Variants in TSNARE1 observed in about 807,000 individuals in gnomAD.
TSNARE1 encodes t-SNARE domain-containing protein 1.
In TSNARE1, 49 loss-of-function variants were observed where a neutral mutation model predicts 62.0. The ratio of observed to expected loss-of-function variants is 0.79; its 90% CI spans 0.63 to 1.00. The LOEUF (loss-of-function observed/expected upper bound fraction) is 1.00, where lower values mean the gene tolerates loss of function less well. Among genes scored for constraint, TSNARE1 ranks in the 50% least tolerant of loss-of-function variants. The pLI is 0.00. For missense variants in TSNARE1, 755 were observed against 700.1 expected, an observed-to-expected ratio of 1.08 and a Z score of -0.88; for synonymous variants, 328 against 294.4, an observed-to-expected ratio of 1.11 and a Z score of -1.17.
intron 9 of TSNARE1, among the ~76,000 whole-genome samples, chr8:142,307,796 AAC>A (rs927717085): frequency 1.3e-5 from 2 of 152,186 alleles, no homozygotes; most frequent in African/African-American, 2.4e-5. Flanking sequence ...GATATTCTCG[AAC>A]AGTGTTCCAA....
intron 11 of TSNARE1, chr8:142,276,417 G>A (rs1336793893): frequency 7.1e-6 from 7 of 985,362 alleles, no homozygotes; most frequent in Admixed American, 6.1e-5. Flanking sequence ...GGGAGGAGGC[G>A]CTAGCCTGGG....
At chr8:142,221,516 T>C (rs1816208860) in intron 13 of TSNARE1, among the ~76,000 whole-genome samples, 1 of 152,252 alleles carries the variant, frequency 6.6e-6, no homozygotes, top group Admixed American at 6.5e-5. Context: ...ACTTGATTGA[T>C]CGTTGCCTGG....
chr8:142,247,096 G>A (rs1282831669), intron 12 of TSNARE1, among the ~76,000 whole-genome samples: 1 of 152,198 alleles, frequency 6.6e-6, no homozygotes, highest in Non-Finnish European at 1.5e-5. Flanking sequence ...AGCCAAAGGT[G>A]TCAGCAGAGC....
At chr8:142,284,524 G>A (rs1411528183) in intron 10 of TSNARE1, 39 bp from the exon 11 acceptor site, 1 of 1,570,822 alleles carries the variant, frequency 6.4e-7, no homozygotes, top group Non-Finnish European at 8.7e-7. Context: ...GAGCAGGGCT[G>A]TGGGGCAGAC....
intron 9 of TSNARE1, among the ~76,000 whole-genome samples, chr8:142,312,979 C>T (rs1827830704): frequency 6.6e-6 from 1 of 152,222 alleles, no homozygotes; most frequent in South Asian, 2.1e-4. Flanking sequence ...ATGTTGGATC[C>T]ATGTGTGTCT....
At chr8:142,317,121 G>A (rs571120735) in intron 7 of TSNARE1, among the ~76,000 whole-genome samples, 12 of 151,592 alleles carry the variant, frequency 7.9e-5, no homozygotes, top group East Asian at 3.9e-4. Context: ...AAGTGGGTAC[G>A]ACCAGTGGCT....
At position 142,377,607 on chromosome 8, in the gene TSNARE1, G is replaced by A. The variant is rs534056287; in HGVS notation, c.-39-22844C>T. 2.0e-5 allele frequency among the ~76,000 whole-genome samples: 3 copies of A among 152,324 alleles called. No individual in the cohort carries two copies. In the East Asian group the frequency reaches 5.8e-4, roughly 29 times the overall value. On this transcript the variant is annotated intron_variant, in intron 1 of 13. Coordinates refer to ENST00000524325, the MANE Select transcript of TSNARE1 (RefSeq NM_145003.5). ...GCAGGAAGGCTGCTCCCAGCCAGAG[G>A]ATGCCAGCACCTGCCATCGGGTTAG...
chr8:142,273,373 A>C, intron 12 of TSNARE1: 1 of 985,334 alleles, frequency 1.0e-6, no homozygotes, highest in Non-Finnish European at 1.2e-6. Flanking sequence ...CTTGCCCGTC[A>C]CCAGGCGTCA....
At position 142,389,855 on chromosome 8, in the gene TSNARE1, T is replaced by C. The variant is rs75045309; in HGVS notation, c.-40+13249A>G. Among the ~76,000 whole-genome samples the C allele has an allele frequency of 2.3e-3, 347 of 152,340 alleles. 2 individuals carry two copies. The highest frequency in any genetic ancestry group is 7.5e-3 in the African/African-American group (310 of 41,580). Reference sequence around the variant, plus strand: ...TCTTTGCTTAACCATAGGGATACAATCTGAGGACTGTATCATTAGATGATT... The same window carrying C: ...TCTTTGCTTAACCATAGGGATACAACCTGAGGACTGTATCATTAGATGATT... On this transcript the variant is annotated intron_variant, in intron 1 of 13. Transcript: ENST00000524325.
intron 13 of TSNARE1, among the ~76,000 whole-genome samples, chr8:142,217,350 AG>A (rs1563750363): frequency 7.8e-6 from 1 of 127,912 alleles, no homozygotes; most frequent in African/African-American, 3.1e-5. Context: ...AAAGAAAGAA[AG>A]AAAGAAAGAA....
chr8:142,252,318 C>T (rs1266608013), intron 12 of TSNARE1, among the ~76,000 whole-genome samples: 3 of 152,156 alleles, frequency 2.0e-5, no homozygotes, highest in African/African-American at 7.2e-5. Context: ...AGGGCCGGGC[C>T]CCCCCGGTAC....
chr8:142,221,987 ATT>A (rs1816280334), intron 13 of TSNARE1, among the ~76,000 whole-genome samples: 1 of 82,436 alleles, frequency 1.2e-5, no homozygotes, highest in Non-Finnish European at 3.4e-5. Flanking sequence ...TCACTCACTC[ATT>A]CACTCACTCA....
intron 11 of TSNARE1, chr8:142,280,331 A>T (rs1383488783): frequency 1.0e-6 from 1 of 985,184 alleles, no homozygotes; most frequent in East Asian, 1.1e-4. Context: ...GACCCTGGAA[A>T]GGCACCAGAG....
chr8:142,313,633 G>A (rs764459813), intron 9 of TSNARE1, among the ~76,000 whole-genome samples: 2 of 151,812 alleles, frequency 1.3e-5, no homozygotes, highest in Non-Finnish European at 2.9e-5. Context: ...GTATCTGTGT[G>A]TCTCTAGCTC....
intron 1 of TSNARE1, among the ~76,000 whole-genome samples, chr8:142,372,406 C>T (rs933770034): frequency 1.3e-5 from 2 of 152,180 alleles, no homozygotes; most frequent in Non-Finnish European, 2.9e-5. Flanking sequence ...GGCTGGGACA[C>T]GGAGTACAAC....
intron 10 of TSNARE1, among the ~76,000 whole-genome samples, chr8:142,290,496 T>C (rs1035132911): frequency 1.3e-5 from 2 of 152,172 alleles, no homozygotes; most frequent in Non-Finnish European, 2.9e-5. Context: ...AATAAAACCT[T>C]GGTGTGTGTG....
At chr8:142,285,522 G>A (rs1009955795) in intron 10 of TSNARE1, among the ~76,000 whole-genome samples, 4 of 151,230 alleles carry the variant, frequency 2.6e-5, no homozygotes, top group African/African-American at 9.7e-5. Flanking sequence ...GATGATGGAT[G>A]GATGGATGAG....
At chr8:142,399,507 A>G (rs1351542596) in intron 1 of TSNARE1, among the ~76,000 whole-genome samples, 1 of 152,220 alleles carries the variant, frequency 6.6e-6, no homozygotes, top group African/African-American at 2.4e-5. Context: ...AATGCGCCCA[A>G]GAGGGAGAGG....
rs1833002224 is a variant in TSNARE1, at chr8:142,344,044, G to C, written c.667C>G (p.Pro223Ala). Residue 223 changes from proline to alanine, a missense_variant, in exon 4 of 14, where the codon CCC becomes GCC. Physicochemically the swap from Pro to Ala is conservative, Grantham distance 27 (BLOSUM62 -1). Coordinates refer to ENST00000524325, the MANE Select transcript of TSNARE1 (RefSeq NM_145003.5). ...GTCTTGGCCACCACCTGCTCCACGG[G>C]CGTGAGAGCCAGGGCCTGGGGCTTG... ...SGKPQALALT[P>A]VEQVVAKTFS... 6.3e-7 allele frequency: 1 copy of C among 1,590,280 alleles called. No homozygotes were observed. The highest frequency in any genetic ancestry group is 8.6e-7 in the Non-Finnish European group (1 of 1,166,102).
Sources: gnomAD v4.1 joint callset for allele counts (sites outside exome capture counted in the v4.1 genomes callset) on GRCh38, gnomAD v4.1.1 for gene constraint, MANE v1.5 for transcripts, NCBI Gene and HGNC (gene_info 2026-07-23, HGNC 2026-07-21) for gene names.